The following IPO9 variants were observed in gnomAD, a reference collection of about 807,000 sequenced individuals.
IPO9 encodes importin-9.
Under a neutral mutation model 128.6 loss-of-function variants are expected in IPO9, and 28 were observed. The observed-to-expected ratio is 0.22, with a 90% CI of 0.16 to 0.30. IPO9 has a LOEUF of 0.30. IPO9 is among the 10% of genes least tolerant of loss of function. IPO9 has a pLI of 1.00. For missense variants in IPO9, 935 were observed against 1,293.9 expected (o/e 0.72, Z 4.26); for synonymous variants, 455 against 475.8 (o/e 0.96, Z 0.57).
Position 201,829,224 on chromosome 1 carries a change from GGCA to G in IPO9, c.18_20del (p.Ala7del). ...GGGGAGAAAAGATGGCGGCGGCGGC[GGCA>G]GCTGGTGCGGCCTCCGGGCTGCCGG... is the stretch of plus-strand genomic sequence containing the variant. On this transcript the variant is annotated inframe_deletion, in exon 1 of 24. Coordinates refer to ENST00000361565, the MANE Select transcript of IPO9 (RefSeq NM_018085.5). 6.4e-7 allele frequency: 1 copy of G among 1,560,452 alleles called. No individual in the cohort carries two copies. Among genetic ancestry groups the G allele is most frequent in the African/African-American group, 1.4e-5 (1 of 70,934 alleles).
intron 1 of IPO9, chr1:201,835,061 A>G (rs778011441): frequency 3.9e-5 from 6 of 152,306 alleles, no homozygotes; most frequent in Non-Finnish European, 7.3e-5. Context: ...ACGCTCGGAA[A>G]AAGGCCAGTG....
Position 201,877,883 on chromosome 1 carries a change from C to G in IPO9, c.*1829C>G, listed in dbSNP as rs1680796208. Reference sequence around the variant, plus strand: ...AGGTTGCAGTAAGCCAAGATCGCACCATTGCACTACAGCCTGGGCAACAAG... The same window carrying G: ...AGGTTGCAGTAAGCCAAGATCGCACGATTGCACTACAGCCTGGGCAACAAG... On this transcript the variant is annotated 3_prime_UTR_variant, in exon 24 of 24. Transcript: ENST00000361565. 6.6e-6 allele frequency: 1 copy of G among 151,786 alleles called. No homozygotes were observed. Among genetic ancestry groups the G allele is most frequent in the Non-Finnish European group, 1.5e-5 (1 of 68,054 alleles). The allele number at this position is 151,786 out of a possible 1,614,324, so 9.4% of individuals were successfully genotyped here. A position where few individuals can be genotyped will look rare whatever the true frequency, so the allele number is the denominator to read the frequency against.
At chr1:201,850,673 G>A (rs1035528573) in intron 4 of IPO9, 1 of 152,168 alleles carries the variant, frequency 6.6e-6, no homozygotes, top group African/African-American at 2.4e-5. Context: ...ATGAGTATAG[G>A]AGAGTAAAAA....
At chr1:201,856,431 G>A (rs1478370336) in intron 10 of IPO9, among the ~76,000 whole-genome samples, 3 of 152,068 alleles carry the variant, frequency 2.0e-5, no homozygotes, top group Non-Finnish European at 2.9e-5. Context: ...ATAACGCCTC[G>A]TTTAAAACAG....
intron 23 of IPO9, among the ~76,000 whole-genome samples, chr1:201,875,654 T>C (rs1350225484): frequency 6.6e-6 from 1 of 152,098 alleles, no homozygotes; most frequent in Non-Finnish European, 1.5e-5. Flanking sequence ...GTTCCTGTCT[T>C]GTTGAGTGGT....
At chr1:201,873,126 C>T (rs145077698) in intron 20 of IPO9, among the ~76,000 whole-genome samples, 165 bp downstream of exon 20, 7 of 152,260 alleles carry the variant, frequency 4.6e-5, no homozygotes, top group Middle Eastern at 3.4e-3. Flanking sequence ...TCAGAACATA[C>T]GGTTTCTTCC....
At chr1:201,834,264 G>C (rs1212207993) in intron 1 of IPO9, among the ~76,000 whole-genome samples, 3 of 132,518 alleles carry the variant, frequency 2.3e-5, no homozygotes, top group Non-Finnish European at 3.2e-5. Flanking sequence ...ATTCTGTTTT[G>C]TTTAATAGGC....
At chr1:201,846,291 A>G (rs996377207) in intron 1 of IPO9, among the ~76,000 whole-genome samples, 9 of 152,240 alleles carry the variant, frequency 5.9e-5, no homozygotes, top group African/African-American at 2.2e-4. Flanking sequence ...CTGGTGGCAT[A>G]TATCTGGACA....
rs779009438 is a variant in IPO9, at chr1:201,858,434, T to C, written c.1222-13T>C. ...GGGCACAAACAGATTTATTAGCTCT[T>C]CTCTCTCTATAGGCTGTGGCCACAG... On this transcript the variant is annotated splice_polypyrimidine_tract_variant and intron_variant, in intron 11 of 23. Transcript: ENST00000361565. The C allele has an allele frequency of 6.8e-7, 1 of 1,460,670 alleles. No individual in the cohort carries two copies. The highest frequency in any genetic ancestry group is 1.3e-5 in the South Asian group (1 of 77,494). 90.5% of individuals were successfully genotyped at this position (1,460,670 alleles called of 1,614,324 possible). A position where few individuals can be genotyped will look rare whatever the true frequency, so the allele number is the denominator to read the frequency against.
chr1:201,836,385 CTTAG>C (rs1242929866), intron 1 of IPO9, among the ~76,000 whole-genome samples: 2 of 151,942 alleles, frequency 1.3e-5, no homozygotes, highest in African/African-American at 2.4e-5. Flanking sequence ...TAGTTTGTTT[CTTAG>C]TTTGTTTTTT....
chr1:201,857,014 G>C, intron 10 of IPO9, 82 bp from the exon 11 acceptor site: 2 of 911,710 alleles, frequency 2.2e-6, no homozygotes, highest in East Asian at 2.4e-5. Flanking sequence ...CAGGATAATA[G>C]GTTGAAATCT....
In IPO9 at chr1:201,829,331, C is replaced by T; in HGVS notation, c.122C>T (p.Ala41Val). The change falls in exon 1 of 24, where the codon GCG (alanine) becomes GTG (valine). Residue 41 changes from alanine to valine, a missense_variant. By Grantham distance (64) the Ala-to-Val change is moderately conservative. Around this residue, in one of 3 missense-constraint regions of IPO9, gnomAD observed 741 missense variants for 1,019.1 expected, o/e 0.73. Coordinates refer to ENST00000361565, the MANE Select transcript of IPO9 (RefSeq NM_018085.5). ...CTATCCCCAGTACAGGAGGTGCGGG[C>T]GGCTGCTGAAGAACAGATTAAGGTG... ...GILSPVQEVR[A>V]AAEEQIKVLE... is the part of the protein sequence containing the mutation. 2 of 1,590,274 alleles carry T rather than the reference C, an allele frequency of 1.3e-6. No individual in the cohort carries two copies. The highest frequency in any genetic ancestry group is 1.1e-5 in the South Asian group (1 of 87,142).
Position 201,882,442 on chromosome 1 carries a change from A to AC in IPO9, c.*6388_*6389insC, listed in dbSNP as rs1323605539. 2 of 133,250 alleles carry AC rather than the reference A, an allele frequency of 1.5e-5. No individual in the cohort carries two copies. The highest frequency in any genetic ancestry group is 3.0e-5 in the Non-Finnish European group (2 of 67,218). The allele number at this position is 133,250 out of a possible 1,614,324, so 8.3% of individuals were successfully genotyped here. A position where few individuals can be genotyped will look rare whatever the true frequency, so the allele number is the denominator to read the frequency against. Reference sequence around the variant, plus strand: ...GCGACACTCTGCCTCAAAAAAAAAAAAAAACAAAAAAAAAAACAAGTTTTG... The same window carrying AC: ...GCGACACTCTGCCTCAAAAAAAAAAACAAAACAAAAAAAAAAACAAGTTTTG... On this transcript the variant is annotated 3_prime_UTR_variant, in exon 24 of 24. Coordinates refer to ENST00000361565, the MANE Select transcript of IPO9 (RefSeq NM_018085.5).
At position 201,883,351 on chromosome 1, in the gene IPO9, A is replaced by T. The variant is rs1176724830; in HGVS notation, c.*7297A>T. ...GGGTCCCGGAGGAAGAAGGGGAGAG[A>T]AAAAGGGGGGTAGTTTTCCAAAAGA... is the stretch of plus-strand genomic sequence containing the variant. On this transcript the variant is annotated 3_prime_UTR_variant, in exon 24 of 24. Coordinates refer to ENST00000361565, the MANE Select transcript of IPO9 (RefSeq NM_018085.5). 1 of 152,212 alleles carries T rather than the reference A, an allele frequency of 6.6e-6. No individual in the cohort carries two copies. The highest frequency in any genetic ancestry group is 6.5e-5 in the Admixed American group (1 of 15,278). 9.4% of individuals were successfully genotyped at this position (152,212 alleles called of 1,614,324 possible). A position where few individuals can be genotyped will look rare whatever the true frequency, so the allele number is the denominator to read the frequency against.
intron 1 of IPO9, among the ~76,000 whole-genome samples, chr1:201,836,468 C>T (rs1056414334): frequency 2.0e-5 from 3 of 152,170 alleles, no homozygotes; most frequent in Non-Finnish European, 4.4e-5. Flanking sequence ...TCACTGCAGC[C>T]TCAAACTCCT....
intron 13 of IPO9, among the ~76,000 whole-genome samples, chr1:201,860,350 G>A (rs1035260071): frequency 2.0e-5 from 3 of 152,162 alleles, no homozygotes; most frequent in Admixed American, 1.3e-4. Context: ...GCTCAGATGC[G>A]TTGGGAATAT....
chr1:201,829,236 G>C lies in IPO9; in HGVS notation c.27G>C (p.Ala9=), dbSNP rs767666367. The part of the protein sequence containing the change: MAAAAAAG[A]ASGLPGPVAQ... ...TGGCGGCGGCGGCGGCAGCTGGTGC[G>C]GCCTCCGGGCTGCCGGGTCCAGTGG... is the stretch of plus-strand genomic sequence containing the variant. Residue 9 remains alanine, a synonymous_variant, in exon 1 of 24, where the codon GCG becomes GCC. Transcript: ENST00000361565. 16 of 1,569,796 alleles carry C rather than the reference G, an allele frequency of 1.0e-5. No individual in the cohort carries two copies. Among genetic ancestry groups the C allele is most frequent in the Admixed American group, 1.8e-5 (1 of 54,786 alleles).
rs769882374 is a variant in IPO9, at chr1:201,847,575, A to G, written c.249A>G (p.Gln83=). 1 of 1,614,046 alleles carries G rather than the reference A, an allele frequency of 6.2e-7. No individual in the cohort carries two copies. Among genetic ancestry groups the G allele is most frequent in the Non-Finnish European group, 8.5e-7 (1 of 1,179,948 alleles). Residue 83 remains glutamine (Q), a synonymous_variant, in exon 3 of 24, where the codon CAA becomes CAG. Transcript: ENST00000361565. ...IRQLASVILK[Q]YVETHWCAQS... The stretch of plus-strand genomic sequence containing the variant: ...AGCTGGCATCAGTCATCTTGAAACA[A>G]TATGTGGAGACTCACTGGTGTGCCC...
rs983466183 is a variant in IPO9 at position 201,878,584 on chromosome 1, A to T, written c.*2530A>T. On this transcript the variant is annotated 3_prime_UTR_variant, in exon 24 of 24. Coordinates refer to ENST00000361565, the MANE Select transcript of IPO9 (RefSeq NM_018085.5). ...GAGTCCTGAGGAAAGGGCCCTAGTA[A>T]CACTTAAGGGCTACCCCTGGCTAAC... is the stretch of plus-strand genomic sequence containing the variant. 1 of 152,644 alleles carries T rather than the reference A, an allele frequency of 6.6e-6. No individual in the cohort carries two copies. The highest frequency in any genetic ancestry group is 1.5e-5 in the Non-Finnish European group (1 of 68,054). The allele number at this position is 152,644 out of a possible 1,614,324, so 9.5% of individuals were successfully genotyped here. A position where few individuals can be genotyped will look rare whatever the true frequency, so the allele number is the denominator to read the frequency against.
Sources: allele counts gnomAD v4.1 joint callset (sites outside exome capture counted in the v4.1 genomes callset), GRCh38; gene constraint gnomAD v4.1.1; regional missense constraint gnomAD v4.1.1; transcripts MANE v1.5; gene names NCBI Gene and HGNC (gene_info 2026-07-23, HGNC 2026-07-21).